NOS1: variants seen among roughly 807,000 people sequenced by gnomAD.
NOS1 encodes the protein NOS type I.
A neutral mutation model predicts 164.5 loss-of-function variants in NOS1; 51 were observed. The ratio of observed to expected loss-of-function variants is 0.31; its 90% CI spans 0.25 to 0.39. NOS1 has a LOEUF of 0.39. Among genes scored for constraint, NOS1 ranks in the 10% least tolerant of loss-of-function variants. The pLI is 1.00. For missense variants in NOS1, 1,362 were observed against 1,885.6 expected, an observed-to-expected ratio of 0.72 and a Z score of 5.14; for synonymous variants, 719 against 745.8, an observed-to-expected ratio of 0.96 and a Z score of 0.59.
chr12:117,343,067 G>C (rs920870512), intron 1 of NOS1, among the ~76,000 whole-genome samples: 2 of 152,008 alleles, frequency 1.3e-5, no homozygotes, highest in African/African-American at 4.8e-5. Flanking sequence ...AGGGCTGGAT[G>C]CCTGTAATCC....
Position 117,209,385 on chromosome 12 carries a change from C to T in NOS1, c.*5924G>A. ...GAAAGAATTACCCAGCCCCAAATGC[C>T]AATAGTGCTAAGGTTGACAGACCCT... is the stretch of plus-strand genomic sequence containing the variant. On this transcript the variant is annotated 3_prime_UTR_variant, in exon 29 of 29. Coordinates refer to ENST00000317775, the MANE Select transcript of NOS1 (RefSeq NM_000620.5). 6.1e-6 allele frequency: 6 copies of T among 985,110 alleles called. No individual in the cohort carries two copies. Among genetic ancestry groups the T allele is most frequent in the Non-Finnish European group, 7.2e-6 (6 of 829,638 alleles). 61.0% of individuals were successfully genotyped at this position (985,110 alleles called of 1,614,324 possible). A position where few individuals can be genotyped will look rare whatever the true frequency, so the allele number is the denominator to read the frequency against.
Position 117,213,135 on chromosome 12 carries a change from T to C in NOS1, c.*2174A>G. On this transcript the variant is annotated 3_prime_UTR_variant, in exon 29 of 29. Coordinates refer to ENST00000317775, the MANE Select transcript of NOS1 (RefSeq NM_000620.5). ...TAAGCGCTTCTAAGTATTTATTCCC[T>C]GATGGAAAAGCATTCCTGCATAAAG... The C allele has an allele frequency of 1.0e-6, 1 of 985,462 alleles. No individual in the cohort carries two copies. The highest frequency in any genetic ancestry group is 1.2e-6 in the Non-Finnish European group (1 of 829,944). 61.0% of individuals were successfully genotyped at this position (985,462 alleles called of 1,614,324 possible). A position where few individuals can be genotyped will look rare whatever the true frequency, so the allele number is the denominator to read the frequency against.
At chr12:117,220,888 C>T (rs1464643786) in intron 26 of NOS1, among the ~76,000 whole-genome samples, 1 of 152,096 alleles carries the variant, frequency 6.6e-6, no homozygotes, top group Non-Finnish European at 1.5e-5. Context: ...CAGGAAACTC[C>T]CACTCTGAAG....
chr12:117,286,613 T>C (rs1370565071), intron 5 of NOS1, among the ~76,000 whole-genome samples: 2 of 152,294 alleles, frequency 1.3e-5, no homozygotes, highest in African/African-American at 4.8e-5. Context: ...ACTGGAAATC[T>C]GAGTTTTAAG....
Position 117,218,161 on chromosome 12 carries a change from C to T in NOS1, c.4174G>A (p.Asp1392Asn), listed in dbSNP as rs1956641222. ...AGVFISRMRD[D>N]NRYHEDIFGV... Reference sequence around the variant, plus strand: ...AAAATATCCTCATGGTATCGGTTGTCATCCTAGAAGACAGAAACAGCCAGA... The same window carrying T: ...AAAATATCCTCATGGTATCGGTTGTTATCCTAGAAGACAGAAACAGCCAGA... The change falls in exon 28 of 29, where the codon GAC (aspartate) becomes AAC (asparagine). Residue 1392 changes from aspartate (D) to asparagine (N), a missense_variant. Transcript: ENST00000317775. 1 of 1,612,796 alleles carries T rather than the reference C, an allele frequency of 6.2e-7. No individual in the cohort carries two copies. The highest frequency in any genetic ancestry group is 8.5e-7 in the Non-Finnish European group (1 of 1,178,824).
chr12:117,232,438 A>ATTCTATACAAT (rs1391264148), intron 21 of NOS1, among the ~76,000 whole-genome samples: 1 of 152,238 alleles, frequency 6.6e-6, no homozygotes, highest in Non-Finnish European at 1.5e-5. Flanking sequence ...TGTGCGTGAC[A>ATTCTATACAAT]GAGATAAGCC....
chr12:117,344,884 A>G (rs1459782329), intron 1 of NOS1, among the ~76,000 whole-genome samples: 5 of 152,200 alleles, frequency 3.3e-5, no homozygotes, highest in Non-Finnish European at 7.3e-5. Context: ...CTGGTTTCAC[A>G]TTACATTTTG....
intron 1 of NOS1, among the ~76,000 whole-genome samples, chr12:117,349,512 G>A (rs1876516653): frequency 6.6e-6 from 1 of 152,124 alleles, no homozygotes; most frequent in Non-Finnish European, 1.5e-5. Context: ...AGATGTTTTG[G>A]AACTAGATAG....
At chr12:117,236,898 G>A (rs1869762109) in intron 20 of NOS1, among the ~76,000 whole-genome samples, 1 of 152,194 alleles carries the variant, frequency 6.6e-6, no homozygotes, top group South Asian at 2.1e-4. Context: ...ATGGGAACGT[G>A]GCTGGCAGGT....
chr12:117,248,656 T>C (rs1408529453), intron 17 of NOS1, among the ~76,000 whole-genome samples: 1 of 152,182 alleles, frequency 6.6e-6, no homozygotes, highest in Non-Finnish European at 1.5e-5. Context: ...GCAATAAACA[T>C]ACGTGTGCAT....
chr12:117,354,550 A>G (rs1378825354), intron 1 of NOS1, among the ~76,000 whole-genome samples: 1 of 152,216 alleles, frequency 6.6e-6, no homozygotes, highest in Non-Finnish European at 1.5e-5. Context: ...ATATGCCCAA[A>G]ATATGTCAGT....
intron 18 of NOS1, among the ~76,000 whole-genome samples, chr12:117,247,042 G>C (rs1870668600): frequency 6.6e-6 from 1 of 152,048 alleles, no homozygotes; most frequent in Admixed American, 6.6e-5. Context: ...TTTTCTTTGT[G>C]TACCTGTACA....
intron 17 of NOS1, among the ~76,000 whole-genome samples, chr12:117,248,395 G>A (rs1870820144): frequency 2.0e-5 from 3 of 150,228 alleles, no homozygotes; most frequent in South Asian, 2.1e-4. Flanking sequence ...CCCTTCCTGT[G>A]TCCGTGTGTT....
At chr12:117,219,078 A>G (rs1280718670) in intron 27 of NOS1, among the ~76,000 whole-genome samples, 2 of 150,696 alleles carry the variant, frequency 1.3e-5, no homozygotes, top group East Asian at 3.9e-4. Context: ...TCCCGGGTTC[A>G]AGTGATTCTC....
chr12:117,280,261 G>C (rs1045990429), intron 8 of NOS1, among the ~76,000 whole-genome samples: 5 of 152,176 alleles, frequency 3.3e-5, no homozygotes, highest in African/African-American at 1.2e-4. Context: ...TCAAAGGCTT[G>C]GGTGGCTCAA....
chr12:117,326,714 T>C (rs975129971), intron 2 of NOS1, among the ~76,000 whole-genome samples: 4 of 152,130 alleles, frequency 2.6e-5, no homozygotes, highest in African/African-American at 9.7e-5. Context: ...GGAAAATAGG[T>C]CTGCAGGGGC....
rs530238611 is a variant in NOS1 at position 117,356,798 on chromosome 12, C to T, written c.-421+4714G>A. 2.0e-5 allele frequency among the ~76,000 whole-genome samples: 3 copies of T among 152,316 alleles called. No homozygotes were observed. The highest frequency in any genetic ancestry group is 7.2e-5 in the African/African-American group (3 of 41,556). Reference sequence around the variant, plus strand: ...ACACGTCATTTTCATTTAAAAGATTCGAATGGGCTCAATTTTCCAGCATTG... The same window carrying T: ...ACACGTCATTTTCATTTAAAAGATTTGAATGGGCTCAATTTTCCAGCATTG... On this transcript the variant is annotated intron_variant, in intron 1 of 28. Transcript: ENST00000317775. This position sits in a 1 kb window ranked among gnomAD's most constrained non-coding sequence, Gnocchi z 4.2.
chr12:117,291,744 C>T (rs1484309892), intron 3 of NOS1, among the ~76,000 whole-genome samples: 2 of 151,824 alleles, frequency 1.3e-5, no homozygotes, highest in Non-Finnish European at 2.9e-5. Context: ...CTATGTTGCC[C>T]AGGTTGGTCT....
At chr12:117,313,068 A>T (rs1874511538) in intron 2 of NOS1, among the ~76,000 whole-genome samples, 1 of 151,978 alleles carries the variant, frequency 6.6e-6, no homozygotes, top group Non-Finnish European at 1.5e-5. Flanking sequence ...CAACCTCATC[A>T]TATCCTAATC....
Sources: allele counts gnomAD v4.1 joint callset (sites outside exome capture counted in the v4.1 genomes callset), GRCh38; gene constraint gnomAD v4.1.1; non-coding constraint Gnocchi (gnomAD v3.1); transcripts MANE v1.5; gene names NCBI Gene and HGNC (gene_info 2026-07-23, HGNC 2026-07-21).